The following GRID1 variants were observed in gnomAD, a reference collection of about 807,000 sequenced individuals.
The protein encoded by GRID1 is glutamate receptor ionotropic, delta-1.
In GRID1, 28 loss-of-function variants were observed where a neutral mutation model predicts 98.0. That is an observed-to-expected ratio of 0.29 (90% confidence interval 0.21 to 0.39). The LOEUF (loss-of-function observed/expected upper bound fraction) is 0.39. GRID1 is among the 10% of genes least tolerant of loss of function. GRID1 has a pLI of 1.00. For missense variants in GRID1, 1,111 were observed against 1,340.5 expected, an observed-to-expected ratio of 0.83 and a Z score of 2.67; for synonymous variants, 553 against 538.5, an observed-to-expected ratio of 1.03 and a Z score of -0.37.
Position 86,207,349 on chromosome 10 carries a change from C to T in GRID1, c.236-701G>A, listed in dbSNP as rs879149743. Among the ~76,000 whole-genome samples, 6 of 152,292 alleles carry T rather than the reference C, an allele frequency of 3.9e-5. No homozygotes were observed. The South Asian group carries it at 8.3e-4, about 21-fold the overall frequency. On this transcript the variant is annotated intron_variant, in intron 2 of 15. Coordinates refer to ENST00000327946, the MANE Select transcript of GRID1 (RefSeq NM_017551.3). The stretch of plus-strand genomic sequence containing the variant: ...TGACAATAACAAAGAAAGACGTTCC[C>T]GCCACTCAGGCAGTTACCACGGGTG...
chr10:86,172,490 G>T (rs531828474), intron 3 of GRID1, among the ~76,000 whole-genome samples: 4 of 152,216 alleles, frequency 2.6e-5, no homozygotes, highest in African/African-American at 9.6e-5. Flanking sequence ...TGCCTCCAGA[G>T]CCCACACTTA....
intron 3 of GRID1, among the ~76,000 whole-genome samples, chr10:86,181,949 T>A (rs546234763): frequency 3.3e-5 from 5 of 152,218 alleles, no homozygotes; most frequent in Admixed American, 6.5e-5. Context: ...TAAATACTCA[T>A]TGGACGAATA....
intron 8 of GRID1, among the ~76,000 whole-genome samples, chr10:85,807,085 T>C (rs1370656120): frequency 6.6e-6 from 1 of 152,062 alleles, no homozygotes; most frequent in Non-Finnish European, 1.5e-5. Flanking sequence ...CATAGTGGCT[T>C]ATGTTTGTAA....
intron 4 of GRID1, among the ~76,000 whole-genome samples, chr10:86,086,791 G>C (rs1006027939): frequency 2.0e-5 from 3 of 152,174 alleles, no homozygotes; most frequent in Non-Finnish European, 4.4e-5. Context: ...GTGTGAGTGT[G>C]TGTCAGTGCC....
chr10:85,760,288 A>G (rs944248501), intron 8 of GRID1, among the ~76,000 whole-genome samples: 2 of 152,234 alleles, frequency 1.3e-5, no homozygotes, highest in African/African-American at 4.8e-5. Context: ...TAGATGCCTG[A>G]CATATGGCAA....
intron 4 of GRID1, among the ~76,000 whole-genome samples, chr10:86,133,897 C>T (rs1844875841): frequency 6.6e-6 from 1 of 152,202 alleles, no homozygotes; most frequent in African/African-American, 2.4e-5. Context: ...AAAGAAGGAG[C>T]AGCAACTCTT....
rs1330073255 is a variant in GRID1 at position 86,291,507 on chromosome 10, C to G, written c.235+72434G>C. Among the ~76,000 whole-genome samples, 3 of 152,124 alleles carry G rather than the reference C, an allele frequency of 2.0e-5. No individual in the cohort carries two copies. In the East Asian group the frequency reaches 5.8e-4, roughly 29 times the overall value. On this transcript the variant is annotated intron_variant, in intron 2 of 15. Coordinates refer to ENST00000327946, the MANE Select transcript of GRID1 (RefSeq NM_017551.3). ...TCGCCAGTACCAGCCCTGCCTCAGC[C>G]CAGGGGCACAGCACAAGACTCTCAC...
intron 4 of GRID1, among the ~76,000 whole-genome samples, chr10:86,121,854 C>T (rs1844682435): frequency 6.6e-6 from 1 of 152,196 alleles, no homozygotes; most frequent in Non-Finnish European, 1.5e-5. Context: ...AAGGGCAGTG[C>T]TTGGATTCTA....
chr10:85,934,413 GAC>G (rs5786728), intron 4 of GRID1, among the ~76,000 whole-genome samples: 35,940 of 141,150 alleles, frequency 0.25, 4,881 homozygotes, highest in Non-Finnish European at 0.32. Flanking sequence ...GCAGAGATTG[GAC>G]ACACACACAC....
At chr10:86,086,165 C>T (rs1188415643) in intron 4 of GRID1, among the ~76,000 whole-genome samples, 2 of 152,170 alleles carry the variant, frequency 1.3e-5, no homozygotes, top group Non-Finnish European at 2.9e-5. Flanking sequence ...CATCCCTTGG[C>T]TCCTTCCTGC....
chr10:86,172,784 A>G (rs997782792), intron 3 of GRID1, among the ~76,000 whole-genome samples: 2 of 152,206 alleles, frequency 1.3e-5, no homozygotes, highest in African/African-American at 4.8e-5. Context: ...TAAAACCTAA[A>G]ATAAAAAGCA....
chr10:86,253,240 G>T (rs941841167), intron 2 of GRID1, among the ~76,000 whole-genome samples: 1 of 152,210 alleles, frequency 6.6e-6, no homozygotes, highest in African/African-American at 2.4e-5. Flanking sequence ...TCCAAAAGCC[G>T]GGTTCCACAT....
intron 8 of GRID1, among the ~76,000 whole-genome samples, chr10:85,784,018 G>T (rs1010740159): frequency 6.6e-6 from 1 of 152,142 alleles, no homozygotes; most frequent in Non-Finnish European, 1.5e-5. Flanking sequence ...GCTTCTTCGT[G>T]ATTTCCTAGG....
intron 4 of GRID1, among the ~76,000 whole-genome samples, chr10:86,030,583 AGCT>A (rs1843173046): frequency 6.6e-6 from 1 of 152,200 alleles, no homozygotes; most frequent in Admixed American, 6.5e-5. Flanking sequence ...GAGGAGCCCT[AGCT>A]GCTATTCTGC....
At chr10:85,994,722 G>A (rs893616207) in intron 4 of GRID1, among the ~76,000 whole-genome samples, 2 of 152,244 alleles carry the variant, frequency 1.3e-5, no homozygotes, top group African/African-American at 4.8e-5. Flanking sequence ...AGAAACCATG[G>A]CTGTAAACTC....
At chr10:86,280,271 T>C (rs1196896414) in intron 2 of GRID1, among the ~76,000 whole-genome samples, 3 of 152,178 alleles carry the variant, frequency 2.0e-5, no homozygotes, top group Non-Finnish European at 2.9e-5. Context: ...ATTTTAAAAA[T>C]ATGATTCACA....
At chr10:85,688,956 A>C (rs1415981336) in intron 12 of GRID1, among the ~76,000 whole-genome samples, 1 of 152,146 alleles carries the variant, frequency 6.6e-6, no homozygotes, top group African/African-American at 2.4e-5. Context: ...TCCTGTACTT[A>C]AGTGGCTGAT....
intron 8 of GRID1, among the ~76,000 whole-genome samples, chr10:85,840,770 AC>A: frequency 6.6e-6 from 1 of 152,300 alleles, no homozygotes; most frequent in South Asian, 2.1e-4. Context: ...ACCAAGGAAT[AC>A]AGCTAACCAA....
chr10:85,634,291 T>TCTCTCTCTCTCTCTCACA (rs1162030685), intron 13 of GRID1, among the ~76,000 whole-genome samples: 7 of 102,952 alleles, frequency 6.8e-5, no homozygotes, highest in South Asian at 3.0e-4. Flanking sequence ...TCTCTCTCTC[T>TCTCTCTCTCTCTCTCACA]CACACACACA....
Sources: allele counts gnomAD v4.1 joint callset (sites outside exome capture counted in the v4.1 genomes callset), GRCh38; gene constraint gnomAD v4.1.1; transcripts MANE v1.5; gene names NCBI Gene and HGNC (gene_info 2026-07-23, HGNC 2026-07-21).